GBE1: variants seen among roughly 807,000 people sequenced by gnomAD.
The protein encoded by GBE1 is 1,4-alpha-glucan branching enzyme 1.
Under a neutral mutation model 88.8 loss-of-function variants are expected in GBE1, and 70 were observed. The ratio of observed to expected loss-of-function variants is 0.79; its 90% CI spans 0.65 to 0.96. The LOEUF is 0.96. Ranked by LOEUF, GBE1 falls within the 40% of genes least tolerant of loss-of-function variation. GBE1 has a pLI of 0.00. For synonymous variants in GBE1, 284 were observed against 300.1 expected (o/e 0.95, Z 0.56); for missense variants, 872 against 871.0 (o/e 1.00, Z -0.01).
At chr3:81,567,918 T>A (rs1703514024) in intron 12 of GBE1, among the ~76,000 whole-genome samples, 1 of 152,182 alleles carries the variant, frequency 6.6e-6, no homozygotes. Flanking sequence ...TCCACTTCTT[T>A]ACCAAGACCT....
chr3:81,612,931 G>A (rs890056239), intron 7 of GBE1: 51 of 389,626 alleles, frequency 1.3e-4, no homozygotes, highest in Admixed American at 1.3e-4. Context: ...GAAGGAAAAG[G>A]AGAAAAAGAT....
chr3:81,667,699 A>G (rs1000099609), intron 3 of GBE1, among the ~76,000 whole-genome samples: 6 of 152,184 alleles, frequency 3.9e-5, no homozygotes, highest in African/African-American at 9.7e-5. Context: ...ATCTACTGAG[A>G]TCATCATGTG....
At chr3:81,598,679 C>A (rs1703990881) in intron 7 of GBE1, among the ~76,000 whole-genome samples, 1 of 151,524 alleles carries the variant, frequency 6.6e-6, no homozygotes, top group Non-Finnish European at 1.5e-5. Context: ...ATAACAGTAT[C>A]ATCAATAATA....
At chr3:81,553,778 T>A (rs190352329) in intron 12 of GBE1, among the ~76,000 whole-genome samples, 1 of 151,952 alleles carries the variant, frequency 6.6e-6, no homozygotes, top group Admixed American at 6.6e-5. Flanking sequence ...GAGAAATATT[T>A]AAATCAGAAG....
intron 2 of GBE1, among the ~76,000 whole-genome samples, chr3:81,681,277 C>T (rs537780662): frequency 6.6e-6 from 1 of 152,224 alleles, no homozygotes; most frequent in African/African-American, 2.4e-5. Context: ...TCCATTTCAA[C>T]AAACATTTGG....
At chr3:81,635,201 A>G (rs750690910) in intron 7 of GBE1, among the ~76,000 whole-genome samples, 28 of 152,168 alleles carry the variant, frequency 1.8e-4, no homozygotes, top group Non-Finnish European at 2.8e-4. Context: ...TAAACCTAGA[A>G]GTAGACAAGG....
intron 11 of GBE1, among the ~76,000 whole-genome samples, chr3:81,578,449 T>C (rs2106934615): frequency 6.6e-6 from 1 of 151,704 alleles, no homozygotes; most frequent in South Asian, 2.1e-4. Flanking sequence ...ATTTTTAAAA[T>C]AGATTGTATA....
chr3:81,503,680 CTTG>C (rs1486907652), intron 14 of GBE1, among the ~76,000 whole-genome samples: 2 of 152,144 alleles, frequency 1.3e-5, no homozygotes, highest in Non-Finnish European at 2.9e-5. Flanking sequence ...AGGCAGACAG[CTTG>C]TTAAGTGGTA....
chr3:81,699,920 G>A (rs1015295275), intron 2 of GBE1, among the ~76,000 whole-genome samples: 2 of 152,134 alleles, frequency 1.3e-5, no homozygotes, highest in Admixed American at 6.5e-5. Flanking sequence ...CATAAGGCTT[G>A]GCCATGTTAT....
rs149167445 is a variant in GBE1 at position 81,661,107 on chromosome 3, T to C, written c.429+9731A>G. Among the ~76,000 whole-genome samples the C allele has an allele frequency of 2.6e-5, 4 of 152,102 alleles. No individual in the cohort carries two copies. The East Asian group carries it at 7.7e-4, about 29-fold the overall frequency. ...CTACATAATTTAGAAGAAAAAAGCA[T>C]GAAACATTTTTATTTTTTAAAAAAA... is the stretch of plus-strand genomic sequence containing the variant. On this transcript the variant is annotated intron_variant, in intron 3 of 15. Coordinates refer to ENST00000429644, the MANE Select transcript of GBE1 (RefSeq NM_000158.4).
At chr3:81,699,608 C>A (rs899749711) in intron 2 of GBE1, among the ~76,000 whole-genome samples, 1 of 152,110 alleles carries the variant, frequency 6.6e-6, no homozygotes, top group South Asian at 2.1e-4. Context: ...TGGAGTCTGA[C>A]GTTCAAGGGC....
intron 12 of GBE1, among the ~76,000 whole-genome samples, chr3:81,544,167 T>G (rs1252249886): frequency 6.6e-6 from 1 of 151,856 alleles, no homozygotes; most frequent in Admixed American, 6.6e-5. Flanking sequence ...TTAAGCAAAA[T>G]AAAAAAGAAA....
At chr3:81,610,767 A>G (rs1704168389) in intron 7 of GBE1, among the ~76,000 whole-genome samples, 1 of 152,144 alleles carries the variant, frequency 6.6e-6, no homozygotes, top group African/African-American at 2.4e-5. Context: ...ACAGTGGGTC[A>G]GAGGTGACCA....
At chr3:81,673,155 G>GA (rs1180555636) in intron 2 of GBE1, among the ~76,000 whole-genome samples, 1 of 151,664 alleles carries the variant, frequency 6.6e-6, no homozygotes, top group Non-Finnish European at 1.5e-5. Flanking sequence ...CATAATTAGA[G>GA]AAAAAATAAT....
At chr3:81,522,438 T>C (rs574998700) in intron 14 of GBE1, among the ~76,000 whole-genome samples, 5 of 151,540 alleles carry the variant, frequency 3.3e-5, no homozygotes, top group Admixed American at 2.6e-4. Flanking sequence ...AAAAGGAAGA[T>C]GTTGTGATTT....
intron 1 of GBE1, among the ~76,000 whole-genome samples, chr3:81,743,150 G>A (rs1175399178): frequency 6.6e-6 from 1 of 152,084 alleles, no homozygotes; most frequent in Non-Finnish European, 1.5e-5. Context: ...GATGCTCAGT[G>A]AGTCAGCACG....
intron 3 of GBE1, among the ~76,000 whole-genome samples, chr3:81,665,498 T>C (rs1254032426): frequency 6.8e-6 from 1 of 146,690 alleles, no homozygotes. Flanking sequence ...ATTGCGCCAC[T>C]GCACTCCAGC....
chr3:81,605,154 C>A (rs543490219), intron 7 of GBE1, among the ~76,000 whole-genome samples: 1 of 151,790 alleles, frequency 6.6e-6, no homozygotes, highest in Admixed American at 6.6e-5. Flanking sequence ...AGGAAGAAAC[C>A]AAAAAAACAT....
At chr3:81,665,535 C>CAAAAAA (rs1244162448) in intron 3 of GBE1, among the ~76,000 whole-genome samples, 1 of 90,090 alleles carries the variant, frequency 1.1e-5, no homozygotes, top group Non-Finnish European at 2.4e-5. Flanking sequence ...GACTCCGTCT[C>CAAAAAA]AAAAAAAAAA....
Sources: allele counts gnomAD v4.1 joint callset (sites outside exome capture counted in the v4.1 genomes callset), GRCh38; gene constraint gnomAD v4.1.1; transcripts MANE v1.5; gene names NCBI Gene and HGNC (gene_info 2026-07-23, HGNC 2026-07-21).